Variants in TDP1 observed in about 807,000 individuals in gnomAD.
TDP1 encodes the protein tyrosyl-DNA phosphodiesterase 1.
Under a neutral mutation model 81.5 loss-of-function variants are expected in TDP1, and 64 were observed. The observed-to-expected ratio is 0.79, with a 90% CI of 0.64 to 0.97. The LOEUF is 0.97. TDP1 is among the 50% of genes least tolerant of loss of function. The pLI is 0.00. For missense variants in TDP1, 723 were observed against 743.8 expected, an observed-to-expected ratio of 0.97 and a Z score of 0.33; for synonymous variants, 256 against 264.3, an observed-to-expected ratio of 0.97 and a Z score of 0.30.
chr14:90,003,112 A>G (rs944398342), intron 14 of TDP1, among the ~76,000 whole-genome samples: 4 of 151,808 alleles, frequency 2.6e-5, no homozygotes, highest in African/African-American at 9.7e-5. Flanking sequence ...TAATTTTTGT[A>G]TTTTTAGTAG....
intron 14 of TDP1, among the ~76,000 whole-genome samples, chr14:89,995,274 T>G (rs1896568753): frequency 6.6e-6 from 1 of 152,236 alleles, no homozygotes; most frequent in South Asian, 2.1e-4. Flanking sequence ...ACTTATTTAA[T>G]TCTCACAACA....
At chr14:89,964,480 A>C (rs1367323686) in intron 3 of TDP1, among the ~76,000 whole-genome samples, 1 of 152,246 alleles carries the variant, frequency 6.6e-6, no homozygotes, top group East Asian at 1.9e-4. Context: ...TAATATATTC[A>C]CATGGCAGAT....
rs73326483 is a variant in TDP1, at chr14:89,996,526, A to G, written c.1541+3043A>G. The stretch of plus-strand genomic sequence containing the variant: ...CCTCTGCTGGTCCCTCCCTGTCCAG[A>G]TCCTTAGATCCGTGTGCCACCAGTG... On this transcript the variant is annotated intron_variant, in intron 14 of 16. Transcript: ENST00000335725. Among the ~76,000 whole-genome samples the G allele has an allele frequency of 3.8e-3, 585 of 152,166 alleles. 2 individuals carry two copies. Among genetic ancestry groups the G allele is most frequent in the African/African-American group, 0.014 (565 of 41,506 alleles).
chr14:89,991,379 G>T, intron 12 of TDP1: 1 of 169,842 alleles, frequency 5.9e-6, no homozygotes, highest in Non-Finnish European at 1.2e-5. Flanking sequence ...TTAGTTATTT[G>T]CAGTTGAAGC....
rs35348361 is a variant in TDP1 at position 90,042,921 on chromosome 14, C to T, written c.1754-149C>T. 4,635 of 1,533,886 alleles carry T rather than the reference C, an allele frequency of 3.0e-3. 6 individuals carry two copies. The highest frequency in any genetic ancestry group is 3.7e-3 in the Non-Finnish European group (4,280 of 1,143,188). On this transcript the variant is annotated intron_variant, in intron 16 of 16. Coordinates refer to ENST00000335725, the MANE Select transcript of TDP1 (RefSeq NM_018319.4). ...AGGAGCCTTCGCTAAAAGCTGTTGT[C>T]TGAAGGGGGAGAATCTTCTGGGCTT...
intron 10 of TDP1, chr14:89,988,701 A>G (rs753453036): frequency 1.0e-6 from 1 of 980,722 alleles, no homozygotes; most frequent in Non-Finnish European, 1.2e-6. Context: ...CTGTCCATCT[A>G]CTCCATTAAA....
At chr14:90,022,312 T>TG (rs1215359330) in intron 15 of TDP1, among the ~76,000 whole-genome samples, 2 of 152,188 alleles carry the variant, frequency 1.3e-5, no homozygotes, top group Non-Finnish European at 2.9e-5. Context: ...GAAAAGATGC[T>TG]GGGGGGATGT....
intron 15 of TDP1, among the ~76,000 whole-genome samples, chr14:90,030,320 C>G (rs1234734231): frequency 1.3e-5 from 2 of 152,236 alleles, no homozygotes; most frequent in African/African-American, 4.8e-5. Context: ...TTTGATTATG[C>G]TGTTCTCACG....
intron 14 of TDP1, 166 bp from the exon 15 acceptor site, chr14:90,019,150 G>A (rs970109162): frequency 1.1e-6 from 1 of 923,510 alleles, no homozygotes; most frequent in Non-Finnish European, 1.3e-6. Flanking sequence ...TTAGAGAACA[G>A]CAGATTTTAA....
chr14:90,027,396 A>C (rs534321686), intron 15 of TDP1, among the ~76,000 whole-genome samples: 25 of 151,934 alleles, frequency 1.6e-4, no homozygotes, highest in Admixed American at 9.9e-4. Flanking sequence ...TCTTTGGCCC[A>C]CGAGATGATG....
chr14:90,042,981 C>CA, intron 16 of TDP1, 89 bp from the exon 17 acceptor site: 1 of 1,604,816 alleles, frequency 6.2e-7, no homozygotes, highest in Non-Finnish European at 8.5e-7. Flanking sequence ...TTTAGAGAGT[C>CA]AAGCACATAA....
intron 6 of TDP1, among the ~76,000 whole-genome samples, chr14:89,974,733 G>A (rs922294838): frequency 7.2e-5 from 11 of 152,184 alleles, no homozygotes; most frequent in African/African-American, 2.4e-4. Context: ...AGAGGAGAAA[G>A]CTGAGGCATA....
chr14:90,012,429 C>T (rs112420669), intron 14 of TDP1, among the ~76,000 whole-genome samples: 2,622 of 151,798 alleles, frequency 0.017, 69 homozygotes, highest in African/African-American at 0.059. Flanking sequence ...GTGGGGCCTC[C>T]GACCCCATAA....
intron 4 of TDP1, chr14:89,966,864 C>A (rs994890557): frequency 1.4e-5 from 6 of 431,084 alleles, no homozygotes; most frequent in African/African-American, 4.3e-5. Context: ...ACAGAACTTG[C>A]ATTTAAGATG....
intron 8 of TDP1, chr14:89,981,415 C>T (rs1372300741): frequency 4.5e-6 from 2 of 449,224 alleles, no homozygotes; most frequent in Non-Finnish European, 8.9e-6. Flanking sequence ...TCAACAAGTT[C>T]AGCTATTGTT....
chr14:89,975,806 C>T lies in TDP1; in HGVS notation c.782C>T (p.Thr261Ile). The T allele has an allele frequency of 6.2e-7, 1 of 1,612,984 alleles. No individual in the cohort carries two copies. The highest frequency in any genetic ancestry group is 8.5e-7 in the Non-Finnish European group (1 of 1,179,030). ...CQAKLDIAFG[T>I]HHTKMMLLLY... Reference sequence around the variant, plus strand: ...GCAAAGTTGGATATTGCGTTTGGAACACACCACACGTAAGCACTTTTTGTG... The same window carrying T: ...GCAAAGTTGGATATTGCGTTTGGAATACACCACACGTAAGCACTTTTTGTG... The change falls in exon 7 of 17, where the codon ACA (threonine) becomes ATA (isoleucine). Residue 261 changes from threonine (T) to isoleucine (I), a missense_variant. Transcript: ENST00000335725.
chr14:89,975,657 T>G, intron 6 of TDP1, 124 bp from the exon 7 acceptor site: 1 of 995,698 alleles, frequency 1.0e-6, no homozygotes. Flanking sequence ...AGGGCTTGCC[T>G]GGTAGAGATC....
At chr14:89,994,156 A>T (rs1167721395) in intron 14 of TDP1, among the ~76,000 whole-genome samples, 1 of 152,252 alleles carries the variant, frequency 6.6e-6, no homozygotes, top group Non-Finnish European at 1.5e-5. Context: ...TGATTCAGTA[A>T]CATAATTAAT....
Position 89,985,177 on chromosome 14 carries a change from A to G in TDP1, c.1098A>G (p.Gln366=), listed in dbSNP as rs34563565. The change falls in exon 10 of 17, where the codon CAA becomes CAG. Residue 366 remains glutamine, a synonymous_variant. Coordinates refer to ENST00000335725, the MANE Select transcript of TDP1 (RefSeq NM_018319.4). ...GSTPGRFQGS[Q]KDNWGHFRLK... ...CCCCAGGACGCTTTCAAGGAAGTCA[A>G]AAAGATAATTGGGGACATTTTAGAC... is the stretch of plus-strand genomic sequence containing the variant. 1,893 of 1,611,362 alleles carry G rather than the reference A, an allele frequency of 1.2e-3. 19 individuals are homozygous for G. In the African/African-American group the frequency reaches 0.022, roughly 19 times the overall value.
Sources: allele counts gnomAD v4.1 joint callset (sites outside exome capture counted in the v4.1 genomes callset), GRCh38; gene constraint gnomAD v4.1.1; transcripts MANE v1.5; gene names NCBI Gene and HGNC (gene_info 2026-07-23, HGNC 2026-07-21).